DLG2: variants seen among roughly 807,000 people sequenced by gnomAD.
DLG2 encodes the protein disks large homolog 2.
In DLG2, 45 loss-of-function variants were observed where a neutral mutation model predicts 132.5. The observed-to-expected ratio is 0.34, with a 90% CI of 0.27 to 0.44. The LOEUF (loss-of-function observed/expected upper bound fraction) is 0.44. Among genes scored for constraint, DLG2 ranks in the 20% least tolerant of loss-of-function variants. The probability of loss-of-function intolerance (pLI) is 1.00; values close to 1 mark genes in which losing one functional copy is unlikely to be tolerated. For missense variants in DLG2, 1,045 were observed against 1,196.9 expected (o/e 0.87, Z 1.87); for synonymous variants, 424 against 419.6 (o/e 1.01, Z -0.13).
Position 83,541,723 on chromosome 11 carries a change from C to T in DLG2, c.2076G>A (p.Glu692=). Residue 692 remains glutamate, a synonymous_variant, in exon 20 of 28, where the codon GAG becomes GAA. Coordinates refer to ENST00000376104, the MANE Select transcript of DLG2 (RefSeq NM_001142699.3). ...TGACCCCCATCTCCTCACTGTCTCC[C>T]TCCAGCATGACTCTCCTGGCTTGCC... is the stretch of plus-strand genomic sequence containing the variant. ...EWWQARRVML[E]GDSEEMGVIP... The T allele has an allele frequency of 1.9e-6, 3 of 1,612,466 alleles. No individual in the cohort carries two copies. Among genetic ancestry groups the T allele is most frequent in the Non-Finnish European group, 1.7e-6 (2 of 1,179,164 alleles).
intron 3 of DLG2, among the ~76,000 whole-genome samples, chr11:85,503,576 T>G (rs2093854859): frequency 6.6e-6 from 1 of 152,054 alleles, no homozygotes; most frequent in Admixed American, 6.6e-5. Context: ...CCTTCATGAA[T>G]GAATTAATCC....
chr11:85,526,077 C>T (rs2074718840), intron 3 of DLG2, among the ~76,000 whole-genome samples: 1 of 152,142 alleles, frequency 6.6e-6, no homozygotes, highest in Non-Finnish European at 1.5e-5. Context: ...ATTCACTAGG[C>T]ATTGGGTAGA....
intron 6 of DLG2, among the ~76,000 whole-genome samples, chr11:84,637,072 G>C (rs984822560): frequency 2.6e-5 from 4 of 152,034 alleles, no homozygotes; most frequent in African/African-American, 9.7e-5. Context: ...ATAGGTGTGA[G>C]CCACTGTGCC....
intron 7 of DLG2, among the ~76,000 whole-genome samples, chr11:84,491,765 A>G (rs2099165809): frequency 6.6e-6 from 1 of 152,162 alleles, no homozygotes. Flanking sequence ...TGGTTTTTAA[A>G]AATTACAGAA....
intron 4 of DLG2, among the ~76,000 whole-genome samples, chr11:85,249,307 G>A (rs1313160298): frequency 6.6e-6 from 1 of 151,850 alleles, no homozygotes; most frequent in Non-Finnish European, 1.5e-5. Flanking sequence ...AGTTACCTAC[G>A]ATAGCAGATG....
At chr11:84,911,523 A>G (rs1377880297) in intron 6 of DLG2, among the ~76,000 whole-genome samples, 1 of 152,076 alleles carries the variant, frequency 6.6e-6, no homozygotes, top group African/African-American at 2.4e-5. Context: ...CAAAGTGTGA[A>G]CATTTTAAGC....
At chr11:85,136,539 G>A (rs1325519786) in intron 5 of DLG2, among the ~76,000 whole-genome samples, 1 of 151,932 alleles carries the variant, frequency 6.6e-6, no homozygotes, top group East Asian at 1.9e-4. Flanking sequence ...AGAAGTCTTT[G>A]GCAAGATAAA....
intron 7 of DLG2, among the ~76,000 whole-genome samples, chr11:84,336,629 T>C (rs971474585): frequency 5.3e-5 from 8 of 152,152 alleles, no homozygotes; most frequent in South Asian, 2.1e-4. Context: ...TCTCTTCCTC[T>C]GGTGGGCCAT....
At chr11:84,070,871 T>C (rs531968637) in intron 10 of DLG2, among the ~76,000 whole-genome samples, 25 of 152,292 alleles carry the variant, frequency 1.6e-4, no homozygotes, top group African/African-American at 5.8e-4. Flanking sequence ...CTATCTTTAC[T>C]TGGAAGTTGA....
intron 3 of DLG2, among the ~76,000 whole-genome samples, chr11:85,495,826 A>G (rs936864125): frequency 1.3e-5 from 2 of 152,194 alleles, no homozygotes; most frequent in Non-Finnish European, 2.9e-5. Context: ...AAAGACATGC[A>G]CACTTATGTT....
In DLG2 at chr11:84,867,389, C is replaced by T. The variant is rs183364777; in HGVS notation, c.357+244272G>A. ...CATGGTGAACAGAGACAGTTGTTTTCGGTTCCCACTTTGGAATTTCCAGGT... is the reference window on the plus strand; with the variant it reads ...CATGGTGAACAGAGACAGTTGTTTTTGGTTCCCACTTTGGAATTTCCAGGT... On this transcript the variant is annotated intron_variant, in intron 6 of 27. Coordinates refer to ENST00000376104, the MANE Select transcript of DLG2 (RefSeq NM_001142699.3). Among the ~76,000 whole-genome samples the T allele has an allele frequency of 1.4e-3, 220 of 152,242 alleles. 1 individual carries two copies. Among genetic ancestry groups the T allele is most frequent in the African/African-American group, 5.1e-3 (212 of 41,544 alleles).
intron 16 of DLG2, among the ~76,000 whole-genome samples, chr11:83,860,884 T>G (rs1422736224): frequency 6.6e-6 from 1 of 152,130 alleles, no homozygotes; most frequent in African/African-American, 2.4e-5. Flanking sequence ...TCTCATGAGA[T>G]CTGATGGTTT....
chr11:85,177,643 C>G (rs1242562253), intron 4 of DLG2, among the ~76,000 whole-genome samples: 1 of 151,964 alleles, frequency 6.6e-6, no homozygotes, highest in Non-Finnish European at 1.5e-5. Context: ...TGGAACAAAC[C>G]TACACATCCT....
chr11:83,963,468 C>G (rs1049474819), intron 13 of DLG2, among the ~76,000 whole-genome samples: 1 of 151,918 alleles, frequency 6.6e-6, no homozygotes, highest in Non-Finnish European at 1.5e-5. Context: ...TATTCCCATC[C>G]CACAAAGGCC....
chr11:84,835,645 A>G (rs879322134), intron 6 of DLG2, among the ~76,000 whole-genome samples: 6 of 151,784 alleles, frequency 4.0e-5, no homozygotes, highest in Non-Finnish European at 8.8e-5. Flanking sequence ...CTCAGCCTTC[A>G]TCATACAGCT....
chr11:83,564,714 A>G (rs2096672325), intron 19 of DLG2, among the ~76,000 whole-genome samples: 2 of 152,196 alleles, frequency 1.3e-5, no homozygotes, highest in African/African-American at 4.8e-5. Context: ...GAAGATTGAT[A>G]ATCTTGCAAC....
intron 5 of DLG2, among the ~76,000 whole-genome samples, chr11:85,142,649 G>A (rs954172350): frequency 1.3e-4 from 19 of 151,678 alleles, no homozygotes; most frequent in African/African-American, 4.3e-4. Flanking sequence ...ATATATCTTA[G>A]AGAAAAGGCT....
At chr11:84,650,879 A>G (rs943970720) in intron 6 of DLG2, among the ~76,000 whole-genome samples, 14 of 85,280 alleles carry the variant, frequency 1.6e-4, no homozygotes, top group African/African-American at 7.0e-4. Context: ...GTGTGTATAT[A>G]TATATATATA....
At chr11:85,557,023 GATTCCAT>G (rs1457300550) in intron 3 of DLG2, among the ~76,000 whole-genome samples, 1 of 151,800 alleles carries the variant, frequency 6.6e-6, no homozygotes, top group Non-Finnish European at 1.5e-5. Flanking sequence ...CTGATTATAT[GATTCCAT>G]ACCTAGAAAA....
Sources: gnomAD v4.1 joint callset for allele counts (sites outside exome capture counted in the v4.1 genomes callset) on GRCh38, gnomAD v4.1.1 for gene constraint, MANE v1.5 for transcripts, NCBI Gene and HGNC (gene_info 2026-07-23, HGNC 2026-07-21) for gene names.